Variants in LY96 observed in about 807,000 individuals in gnomAD.
LY96 encodes myeloid differentiation protein-2.
LY96 carries 18 observed loss-of-function variants against 18.9 expected under a neutral mutation model. The observed-to-expected ratio is 0.95, with a 90% CI of 0.66 to 1.41. The LOEUF is 1.41. Ranked by LOEUF, LY96 falls within the 40% of genes most tolerant of loss-of-function variation. The probability of loss-of-function intolerance (pLI) is 0.00; values close to 1 mark genes in which losing one functional copy is unlikely to be tolerated. For missense variants in LY96, 175 were observed against 182.4 expected (o/e 0.96, Z 0.23); for synonymous variants, 66 against 62.6 (o/e 1.06, Z -0.26).
the LY96 span, among the ~76,000 whole-genome samples, chr8:74,089,827 G>A: frequency 1.6e-4 from 25 of 152,216 alleles, no homozygotes; most frequent in African/African-American, 6.0e-4. Flanking sequence ...AGGGCCTCAC[G>A]AATCATGTGC....
intron 1 of LY96, among the ~76,000 whole-genome samples, chr8:73,996,317 T>TTTCC (rs58734426): frequency 0.09 from 10,401 of 116,054 alleles, 770 homozygotes; most frequent in East Asian, 0.15. Context: ...ACCTGTTTCT[T>TTTCC]TTCCTTCCTT....
At chr8:74,085,642 T>C in the LY96 span, among the ~76,000 whole-genome samples, 3 of 152,224 alleles carry the variant, frequency 2.0e-5, no homozygotes, top group Non-Finnish European at 2.9e-5. Flanking sequence ...ACTGGCCTTT[T>C]TCCTGTTCCT....
chr8:74,042,348 C>G, the LY96 span, among the ~76,000 whole-genome samples: 1 of 152,046 alleles, frequency 6.6e-6, no homozygotes, highest in Non-Finnish European at 1.5e-5. Flanking sequence ...TGGTGAAACC[C>G]CATCTCTCTA....
At chr8:74,036,606 C>G in the LY96 span, among the ~76,000 whole-genome samples, 1 of 152,166 alleles carries the variant, frequency 6.6e-6, no homozygotes, top group Non-Finnish European at 1.5e-5. Flanking sequence ...CATCTTCAAC[C>G]AATCAGCAGC....
At chr8:74,063,738 C>T in the LY96 span, among the ~76,000 whole-genome samples, 1,516 of 151,764 alleles carry the variant, frequency 1.0e-2, 11 homozygotes, top group Non-Finnish European at 0.015. Context: ...AAATTTGTTC[C>T]TATTCTTAAA....
At position 74,002,074 on chromosome 8, in the gene LY96, CCTTTCTT is replaced by C. The variant is rs1563710850; in HGVS notation, c.113-2721_113-2715del. Among the ~76,000 whole-genome samples, 4 of 16,402 alleles carry C rather than the reference CCTTTCTT, an allele frequency of 2.4e-4. 1 individual carries two copies. Among genetic ancestry groups the C allele is most frequent in the Admixed American group, 8.4e-4 (1 of 1,194 alleles). 10.8% of individuals were successfully genotyped at this position (16,402 alleles called of 152,430 possible). A position where few individuals can be genotyped will look rare whatever the true frequency, so the allele number is the denominator to read the frequency against. ...TCCTTCCTTCCTTCCTTCCTTCCTT[CCTTTCTT>C]TCTTTCTTTCTTTCTCTCTCTCTCT... On this transcript the variant is annotated intron_variant, in intron 1 of 4. Transcript: ENST00000284818.
intron 3 of LY96, among the ~76,000 whole-genome samples, chr8:74,020,390 T>C (rs1392995110): frequency 3.9e-5 from 6 of 151,992 alleles, no homozygotes; most frequent in African/African-American, 1.4e-4. Flanking sequence ...TCAAGGAGAA[T>C]TACAAACCAC....
At chr8:74,056,349 CG>C in the LY96 span, 1 of 345,614 alleles carries the variant, frequency 2.9e-6, no homozygotes, top group Non-Finnish European at 5.5e-6. Flanking sequence ...CTGACAAATC[CG>C]GAAGAAGATG....
the LY96 span, among the ~76,000 whole-genome samples, chr8:74,034,431 G>T: frequency 1.3e-5 from 2 of 152,106 alleles, no homozygotes; most frequent in South Asian, 4.1e-4. Context: ...TTGTTTCAAA[G>T]AAGTGTAACA....
At chr8:74,064,783 G>T in the LY96 span, among the ~76,000 whole-genome samples, 1 of 152,174 alleles carries the variant, frequency 6.6e-6, no homozygotes, top group East Asian at 1.9e-4. Flanking sequence ...ACATGGTTAA[G>T]TCTCAAAAAT....
downstream of LY96, among the ~76,000 whole-genome samples, chr8:74,031,016 G>C (rs948149362): frequency 6.6e-6 from 1 of 152,214 alleles, no homozygotes; most frequent in Non-Finnish European, 1.5e-5. Flanking sequence ...CATGGGGCTG[G>C]AAGAGGTTTT....
chr8:74,002,093 TTCTCTCTCTCTCTCTCTCTC>T lies in LY96; in HGVS notation c.113-2683_113-2664del, dbSNP rs376445801. On this transcript the variant is annotated intron_variant, in intron 1 of 4. Transcript: ENST00000284818. ...TTCCTTCCTTTCTTTCTTTCTTTCT[TTCTCTCTCTCTCTCTCTCTC>T]TCTCTCTCTCTCTCTCTCTTTCTTT... is the stretch of plus-strand genomic sequence containing the variant. Among the ~76,000 whole-genome samples the T allele has an allele frequency of 1.0e-3, 40 of 38,728 alleles. 4 individuals carry two copies. The highest frequency in any genetic ancestry group is 4.0e-3 in the South Asian group (3 of 746). The allele number at this position is 38,728 out of a possible 152,430, so 25.4% of individuals were successfully genotyped here.
the LY96 span, among the ~76,000 whole-genome samples, chr8:74,089,201 T>A: frequency 2.6e-5 from 4 of 152,222 alleles, no homozygotes; most frequent in African/African-American, 9.6e-5. Context: ...AAAAGGGCCA[T>A]GCCCTGTGAG....
intron 2 of LY96, among the ~76,000 whole-genome samples, chr8:74,005,270 G>C (rs578027822): frequency 1.3e-5 from 2 of 152,194 alleles, no homozygotes; most frequent in Non-Finnish European, 2.9e-5. Context: ...GGCATTTTCA[G>C]TATGGCTGCT....
the LY96 span, among the ~76,000 whole-genome samples, chr8:74,055,674 A>G: frequency 3.5e-4 from 53 of 152,352 alleles, 1 homozygote; most frequent in East Asian, 9.1e-3. Context: ...AGGGAAGATT[A>G]CCCTAGATCA....
rs1816302893 is a variant in LY96 at position 74,002,081 on chromosome 8, T to TC, written c.113-2715_113-2714insC. Among the ~76,000 whole-genome samples the TC allele has an allele frequency of 1.4e-4, 4 of 27,656 alleles. 1 individual carries two copies. Among genetic ancestry groups the TC allele is most frequent in the African/African-American group, 4.0e-4 (2 of 4,958 alleles). The allele number at this position is 27,656 out of a possible 152,430, so 18.1% of individuals were successfully genotyped here. ...TTCCTTCCTTCCTTCCTTCCTTTCT[T>TC]TCTTTCTTTCTTTCTCTCTCTCTCT... is the stretch of plus-strand genomic sequence containing the variant. On this transcript the variant is annotated intron_variant, in intron 1 of 4. Coordinates refer to ENST00000284818, the MANE Select transcript of LY96 (RefSeq NM_015364.5).
Position 74,001,972 on chromosome 8 carries a change from TTCCTTCCC to T in LY96, c.113-2820_113-2813del, listed in dbSNP as rs1387005689. ...CTTCCTTCCTTCCTTCCTTCCTTCC[TTCCTTCCC>T]TCCCTCCCTCCCTCCTTTCTTCCTT... On this transcript the variant is annotated intron_variant, in intron 1 of 4. Transcript: ENST00000284818. Among the ~76,000 whole-genome samples, 10 of 113,638 alleles carry T rather than the reference TTCCTTCCC, an allele frequency of 8.8e-5. No individual in the cohort carries two copies. The East Asian group carries it at 1.4e-3, about 16-fold the overall frequency. 74.6% of individuals were successfully genotyped at this position (113,638 alleles called of 152,430 possible). A position where few individuals can be genotyped will look rare whatever the true frequency, so the allele number is the denominator to read the frequency against.
At chr8:74,059,818 AAG>A in the LY96 span, among the ~76,000 whole-genome samples, 63 of 152,370 alleles carry the variant, frequency 4.1e-4, no homozygotes, top group African/African-American at 1.4e-3. Flanking sequence ...GAAATAAAAA[AAG>A]AGATAAATTT....
the LY96 span, among the ~76,000 whole-genome samples, chr8:74,074,313 A>G: frequency 6.6e-6 from 1 of 152,206 alleles, no homozygotes; most frequent in Non-Finnish European, 1.5e-5. Flanking sequence ...CCATAGTTTT[A>G]AAAAGAGAAA....
Sources: allele counts gnomAD v4.1 joint callset (sites outside exome capture counted in the v4.1 genomes callset), GRCh38; gene constraint gnomAD v4.1.1; transcripts MANE v1.5; gene names NCBI Gene and HGNC (gene_info 2026-07-23, HGNC 2026-07-21).